ALPK1: variants seen among roughly 807,000 people sequenced by gnomAD.
The protein encoded by ALPK1 is alpha-protein kinase 1.
ALPK1 carries 110 observed loss-of-function variants against 120.6 expected under a neutral mutation model. The observed-to-expected ratio is 0.91, with a 90% CI of 0.78 to 1.07. The LOEUF is 1.07. Among genes scored for constraint, ALPK1 ranks in the 50% least tolerant of loss-of-function variants. The pLI, the probability that ALPK1 is intolerant of heterozygous loss-of-function variation, is 0.00. For synonymous variants in ALPK1, 582 were observed against 560.3 expected (o/e 1.04, Z -0.55); for missense variants, 1,498 against 1,483.9 (o/e 1.01, Z -0.16).
chr4:112,359,055 A>G (rs1730785762), intron 2 of ALPK1: 1 of 759,154 alleles, frequency 1.3e-6, no homozygotes, highest in Non-Finnish European at 2.5e-6. Context: ...AAGGCAGCGG[A>G]CACAGCCAGC....
intron 1 of ALPK1, among the ~76,000 whole-genome samples, chr4:112,315,392 A>G (rs531868590): frequency 2.4e-4 from 37 of 152,324 alleles, no homozygotes; most frequent in Non-Finnish European, 4.6e-4. Flanking sequence ...CTTTTATTTC[A>G]TGCATAATAA....
intron 5 of ALPK1, chr4:112,412,509 TGA>T: frequency 2.2e-6 from 1 of 451,560 alleles, no homozygotes; most frequent in Non-Finnish European, 4.4e-6. Context: ...GTACAGTACC[TGA>T]TTAGGTCTTA....
At chr4:112,323,572 G>A (rs1164387033) in intron 2 of ALPK1, among the ~76,000 whole-genome samples, 2 of 152,030 alleles carry the variant, frequency 1.3e-5, no homozygotes, top group East Asian at 1.9e-4. Flanking sequence ...GTAATACACA[G>A]GCTATACGTT....
rs749035725 is a variant in ALPK1 at position 112,411,841 on chromosome 4, C to T, written c.291C>T (p.Ala97=). The change falls in exon 5 of 16, where the codon GCC becomes GCT. Residue 97 remains alanine (A), a synonymous_variant. Coordinates refer to ENST00000650871, the MANE Select transcript of ALPK1 (RefSeq NM_025144.4). ...TGTTCCTCCAGGCGTCCCTGAGGGC[C>T]TCCATCCTCGCTCGGGACTGTGCGG... ...GLQQLLASLR[A]SILARDCAAA... is the part of the protein sequence containing the mutation. 2.5e-6 allele frequency: 4 copies of T among 1,612,498 alleles called. No individual in the cohort carries two copies. Among genetic ancestry groups the T allele is most frequent in the Non-Finnish European group, 3.4e-6 (4 of 1,179,348 alleles).
intron 1 of ALPK1, among the ~76,000 whole-genome samples, chr4:112,309,195 A>T (rs1027457616): frequency 2.6e-5 from 4 of 152,152 alleles, no homozygotes; most frequent in Admixed American, 2.6e-4. Context: ...CTTGGGGGTC[A>T]GGGACCCACT....
At chr4:112,373,141 A>G (rs1731491933) in intron 2 of ALPK1, among the ~76,000 whole-genome samples, 1 of 152,222 alleles carries the variant, frequency 6.6e-6, no homozygotes, top group South Asian at 2.1e-4. Context: ...GTATATTTTA[A>G]TCTCAATGCT....
chr4:112,432,616 GA>G, intron 11 of ALPK1, 35 bp downstream of exon 11: 2 of 1,581,568 alleles, frequency 1.3e-6, no homozygotes, highest in Non-Finnish European at 1.7e-6. Flanking sequence ...CCCCCCTCAG[GA>G]AGCAGCTGTG....
At chr4:112,426,665 A>C (rs1734250868) in intron 8 of ALPK1, 122 bp downstream of exon 8, 1 of 851,686 alleles carries the variant, frequency 1.2e-6, no homozygotes, top group Non-Finnish European at 1.7e-6. Context: ...TTTATTTTTC[A>C]CAAGCATAGG....
Position 112,372,211 on chromosome 4 carries a change from CT to C in ALPK1, c.-100-5452del, listed in dbSNP as rs1257056021. Among the ~76,000 whole-genome samples, 1,052 of 142,166 alleles carry C rather than the reference CT, an allele frequency of 7.4e-3. 7 individuals carry two copies. The highest frequency in any genetic ancestry group is 0.019 in the African/African-American group (726 of 39,054). The allele number at this position is 142,166 out of a possible 152,430, so 93.3% of individuals were successfully genotyped here. A position where few individuals can be genotyped will look rare whatever the true frequency, so the allele number is the denominator to read the frequency against. ...CAATATAAAGAAAACTACTTTCTTC[CT>C]TTTTTTTTTTTTTTCTTTTGAGATG... On this transcript the variant is annotated intron_variant, in intron 2 of 15. Transcript: ENST00000650871.
chr4:112,357,701 C>A, intron 2 of ALPK1: 1 of 1,567,726 alleles, frequency 6.4e-7, no homozygotes, highest in Non-Finnish European at 8.8e-7. Flanking sequence ...TTGAGCTCCG[C>A]GTTTGACAGA....
chr4:112,432,445 G>C lies in ALPK1; in HGVS notation c.2898G>C (p.Arg966Ser), dbSNP rs764459607. Residue 966 changes from arginine (R) to serine (S), a missense_variant, in exon 11 of 16, where the codon AGG becomes AGC. Transcript: ENST00000650871. ...SSWVSLPGKM[R>S]KEILEARTLQ... Reference sequence around the variant, plus strand: ...GGGTTTCATTGCCGGGAAAGATGAGGAAAGAGATCCTTGAGGCTCGCACCT... The same window carrying C: ...GGGTTTCATTGCCGGGAAAGATGAGCAAAGAGATCCTTGAGGCTCGCACCT... 1 of 1,614,186 alleles carries C rather than the reference G, an allele frequency of 6.2e-7. No individual in the cohort carries two copies. Among genetic ancestry groups the C allele is most frequent in the South Asian group, 1.1e-5 (1 of 91,076 alleles).
chr4:112,308,285 A>G (rs1170953696), intron 1 of ALPK1, among the ~76,000 whole-genome samples: 1 of 152,014 alleles, frequency 6.6e-6, no homozygotes, highest in East Asian at 1.9e-4. Context: ...CTGAATTTGA[A>G]TGTTGGCCTG....
intron 5 of ALPK1, among the ~76,000 whole-genome samples, chr4:112,416,114 C>CTGAATTTAA (rs1205975566): frequency 1.3e-5 from 2 of 152,142 alleles, no homozygotes; most frequent in East Asian, 3.8e-4. Context: ...TCTGAATCCC[C>CTGAATTTAA]TAAAGATCTT....
rs910466145 is a variant in ALPK1, at chr4:112,392,263, C to A, written c.276+9711C>A. The stretch of plus-strand genomic sequence containing the variant: ...CCCTCCACCAACCAAACTTTATCCA[C>A]CCCCAGCGATCACCATATCGGTAAA... On this transcript the variant is annotated intron_variant, in intron 4 of 15. Coordinates refer to ENST00000650871, the MANE Select transcript of ALPK1 (RefSeq NM_025144.4). Among the ~76,000 whole-genome samples, 5 of 152,136 alleles carry A rather than the reference C, an allele frequency of 3.3e-5. No individual in the cohort carries two copies. The South Asian group carries it at 6.2e-4, about 19-fold the overall frequency.
At chr4:112,384,635 C>T (rs914094583) in intron 4 of ALPK1, 5 of 152,156 alleles carry the variant, frequency 3.3e-5, no homozygotes, top group Non-Finnish European at 7.3e-5. Flanking sequence ...ATCAAACACC[C>T]TGGGGGTGGG....
intron 2 of ALPK1, among the ~76,000 whole-genome samples, chr4:112,349,632 C>G (rs1377078177): frequency 1.4e-5 from 2 of 141,356 alleles, no homozygotes; most frequent in African/African-American, 5.2e-5. Context: ...TGGCTCACTG[C>G]AACTTCCGTC....
chr4:112,435,069 C>A, intron 11 of ALPK1, 79 bp from the exon 12 acceptor site: 1 of 1,410,236 alleles, frequency 7.1e-7, no homozygotes, highest in South Asian at 1.3e-5. Context: ...TGGCGTAGGA[C>A]CTGTGTCACA....
chr4:112,327,888 G>A (rs1729185221), intron 2 of ALPK1, among the ~76,000 whole-genome samples: 1 of 152,224 alleles, frequency 6.6e-6, no homozygotes, highest in African/African-American at 2.4e-5. Flanking sequence ...TAAAAGAAGA[G>A]TGCAGTCAAT....
At chr4:112,396,161 C>T (rs758307752) in intron 4 of ALPK1, among the ~76,000 whole-genome samples, 38 of 151,840 alleles carry the variant, frequency 2.5e-4, no homozygotes, top group African/African-American at 7.5e-4. Flanking sequence ...TTCCAGCCCT[C>T]ATTATTTGAA....
Sources: allele counts gnomAD v4.1 joint callset (sites outside exome capture counted in the v4.1 genomes callset), GRCh38; gene constraint gnomAD v4.1.1; transcripts MANE v1.5; gene names NCBI Gene and HGNC (gene_info 2026-07-23, HGNC 2026-07-21).